The following SPI1 variants were observed in gnomAD, a reference collection of about 807,000 sequenced individuals.
SPI1 encodes the protein transcription factor PU.1.
In SPI1, 3 loss-of-function variants were observed where a neutral mutation model predicts 30.7. The ratio of observed to expected loss-of-function variants is 0.10; its 90% confidence interval spans 0.04 to 0.25. The LOEUF (loss-of-function observed/expected upper bound fraction) is 0.25, where lower values mean the gene tolerates loss of function less well. Among genes scored for constraint, SPI1 ranks in the 10% least tolerant of loss-of-function variants. SPI1 has a pLI of 1.00. For missense variants in SPI1, 261 were observed against 371.5 expected (o/e 0.70, Z 2.45); for synonymous variants, 169 against 157.1 (o/e 1.08, Z -0.56).
chr11:47,369,274 A>C (rs1417160280), intron 2 of SPI1, among the ~76,000 whole-genome samples: 1 of 152,218 alleles, frequency 6.6e-6, no homozygotes, highest in Non-Finnish European at 1.5e-5. Context: ...ACAAACAAAA[A>C]GCATAATAAA....
At chr11:47,364,451 G>A (rs867819387) in intron 2 of SPI1, among the ~76,000 whole-genome samples, 74 of 152,206 alleles carry the variant, frequency 4.9e-4, no homozygotes, top group African/African-American at 1.7e-3. Flanking sequence ...CTGGGATTTG[G>A]TGAAATGATT....
At chr11:47,357,553 C>T (rs2095913350) in intron 4 of SPI1, among the ~76,000 whole-genome samples, 1 of 148,648 alleles carries the variant, frequency 6.7e-6, no homozygotes, top group Non-Finnish European at 1.5e-5. Flanking sequence ...CCTGCTCTCA[C>T]ACTCACACAT....
intron 2 of SPI1, among the ~76,000 whole-genome samples, chr11:47,362,757 G>T (rs1039068796): frequency 6.6e-6 from 1 of 151,692 alleles, no homozygotes; most frequent in Non-Finnish European, 1.5e-5. Flanking sequence ...TGTATTTTTA[G>T]TAGAGATGGG....
Position 47,376,003 on chromosome 11 carries a change from TCA to T in SPI1, c.46-276_46-275del, listed in dbSNP as rs201013141. ...CCCCATAGCCACCTCACGCTCACAC[TCA>T]CACTCACGCCTGTGTGCCCCCATCC... On this transcript the variant is annotated intron_variant, in intron 1 of 4. Coordinates refer to ENST00000378538, the MANE Select transcript of SPI1 (RefSeq NM_003120.3). Among the ~76,000 whole-genome samples the T allele has an allele frequency of 6.7e-3, 1,020 of 151,730 alleles. 12 individuals carry two copies. Among genetic ancestry groups the T allele is most frequent in the African/African-American group, 0.023 (970 of 41,376 alleles).
rs2095941651 is a variant in SPI1, at chr11:47,375,857, C to T, written c.46-128G>A. ...TGGCTGCGTTGGACCTACAGCCCTC[C>T]CTCTGCCTGGAACTGGGACAGAGAG... On this transcript the variant is annotated intron_variant, in intron 1 of 4. Coordinates refer to ENST00000378538, the MANE Select transcript of SPI1 (RefSeq NM_003120.3). This position sits in a 1 kb window ranked among gnomAD's most constrained non-coding sequence, Gnocchi z 4.2. 4 of 771,554 alleles carry T rather than the reference C, an allele frequency of 5.2e-6. No individual in the cohort carries two copies. The South Asian group carries it at 5.7e-5, about 11-fold the overall frequency. The allele number at this position is 771,554 out of a possible 1,614,324, so 47.8% of individuals were successfully genotyped here.
At chr11:47,365,930 T>C (rs946931359) in intron 2 of SPI1, among the ~76,000 whole-genome samples, 1 of 152,082 alleles carries the variant, frequency 6.6e-6, no homozygotes, top group African/African-American at 2.4e-5. Flanking sequence ...CTCCTGACCT[T>C]GTGACCCACC....
intron 2 of SPI1, among the ~76,000 whole-genome samples, chr11:47,360,548 CCG>C (rs1423109592): frequency 2.0e-5 from 3 of 152,220 alleles, no homozygotes; most frequent in African/African-American, 4.8e-5. Context: ...CCAGCCAGGG[CCG>C]CGCGCGGTGG....
At position 47,378,390 on chromosome 11, in the gene SPI1, G is replaced by A. The variant is rs768539901; in HGVS notation, c.-37C>T. On this transcript the variant is annotated 5_prime_UTR_variant, in exon 1 of 5. Transcript: ENST00000378538. ...CCGAGTCGGTCAGATCCCCTGCCTC[G>A]GTGGGGGCCAATGCAGAGCCCCTCA... The A allele has an allele frequency of 8.7e-6, 14 of 1,602,300 alleles. No individual in the cohort carries two copies. Among genetic ancestry groups the A allele is most frequent in the South Asian group, 5.6e-5 (5 of 89,190 alleles).
chr11:47,359,555 G>A lies in SPI1; in HGVS notation c.330+298C>T, dbSNP rs901283266. Among the ~76,000 whole-genome samples the A allele has an allele frequency of 6.6e-6, 1 of 152,118 alleles. No homozygotes were observed. The highest frequency in any genetic ancestry group is 2.4e-5 in the African/African-American group (1 of 41,424). On this transcript the variant is annotated intron_variant, in intron 3 of 4. Coordinates refer to ENST00000378538, the MANE Select transcript of SPI1 (RefSeq NM_003120.3). This position sits in a 1 kb window ranked among gnomAD's most constrained non-coding sequence, Gnocchi z 5.1. ...GGATCCATGAGGGCTAGTGAATGGGGGTGGCAGACAGTGAGGCCCAGGAGG... is the reference window on the plus strand; with the variant it reads ...GGATCCATGAGGGCTAGTGAATGGGAGTGGCAGACAGTGAGGCCCAGGAGG...
chr11:47,366,612 G>T (rs533258603), intron 2 of SPI1, among the ~76,000 whole-genome samples: 4 of 152,100 alleles, frequency 2.6e-5, no homozygotes, highest in African/African-American at 9.6e-5. Context: ...GACATCAGGA[G>T]TTCAAGATCA....
At chr11:47,356,441 C>T (rs1227195468) in intron 4 of SPI1, among the ~76,000 whole-genome samples, 2 of 151,422 alleles carry the variant, frequency 1.3e-5, no homozygotes, top group Admixed American at 6.6e-5. Context: ...CACACATGCA[C>T]ACACACTCAG....
rs563326332 is a variant in SPI1 at position 47,356,906 on chromosome 11, A to C, written c.494-1360T>G. On this transcript the variant is annotated intron_variant, in intron 4 of 4. Transcript: ENST00000378538. ...GCTACACACACACGCCCCTGCTCACACACTTGTGCTCACACACCTCACACC... is the reference window on the plus strand; with the variant it reads ...GCTACACACACACGCCCCTGCTCACCCACTTGTGCTCACACACCTCACACC... Among the ~76,000 whole-genome samples, 76 of 142,870 alleles carry C rather than the reference A, an allele frequency of 5.3e-4. 1 individual carries two copies. Among genetic ancestry groups the C allele is most frequent in the Non-Finnish European group, 9.6e-4 (61 of 63,852 alleles). 93.7% of individuals were successfully genotyped at this position (142,870 alleles called of 152,430 possible).
chr11:47,358,408 A>G (rs1164845660), intron 4 of SPI1: 2 of 627,424 alleles, frequency 3.2e-6, no homozygotes, highest in Admixed American at 4.7e-5. Context: ...ACAGCTGCTC[A>G]CACGCACTGA....
rs2095907081 is a variant in SPI1, at chr11:47,355,671, A to G, written c.494-125T>C. On this transcript the variant is annotated intron_variant, in intron 4 of 4. Coordinates refer to ENST00000378538, the MANE Select transcript of SPI1 (RefSeq NM_003120.3). Reference sequence around the variant, plus strand: ...GGAAGGGCAGGGGAACGGCTGCCCCAGCCCGCGCCGGGCGTGCATACACAA... The same window carrying G: ...GGAAGGGCAGGGGAACGGCTGCCCCGGCCCGCGCCGGGCGTGCATACACAA... 3 of 769,092 alleles carry G rather than the reference A, an allele frequency of 3.9e-6. No individual in the cohort carries two copies. In the Admixed American group the frequency reaches 9.1e-5, roughly 23 times the overall value. The allele number at this position is 769,092 out of a possible 1,614,324, so 47.6% of individuals were successfully genotyped here.
intron 2 of SPI1, among the ~76,000 whole-genome samples, chr11:47,365,809 G>A (rs1014499869): frequency 6.6e-6 from 1 of 152,108 alleles, no homozygotes; most frequent in African/African-American, 2.4e-5. Context: ...TGATTCTTCT[G>A]CCTCAGCCTC....
chr11:47,356,909 C>T (rs1013187064), intron 4 of SPI1, among the ~76,000 whole-genome samples: 1 of 141,192 alleles, frequency 7.1e-6, no homozygotes, highest in East Asian at 2.1e-4. Context: ...TGCTCACACA[C>T]TTGTGCTCAC....
chr11:47,357,403 G>A (rs1337052855), intron 4 of SPI1, among the ~76,000 whole-genome samples: 1 of 151,784 alleles, frequency 6.6e-6, no homozygotes, highest in Non-Finnish European at 1.5e-5. Context: ...CATACATTCT[G>A]CTCATGCATA....
In SPI1 at chr11:47,374,177, G is replaced by T. The variant is rs1365351884; in HGVS notation, c.142+1456C>A. ...GGGTGCGTGGTCTCTGGGTCCCCCA[G>T]ACCGGGCTCTTCACTCTGGTAGGGA... On this transcript the variant is annotated intron_variant, in intron 2 of 4. Coordinates refer to ENST00000378538, the MANE Select transcript of SPI1 (RefSeq NM_003120.3). This position sits in a 1 kb window ranked among gnomAD's most constrained non-coding sequence, Gnocchi z 4.5. 6.6e-6 allele frequency among the ~76,000 whole-genome samples: 1 copy of T among 152,228 alleles called. No homozygotes were observed. The highest frequency in any genetic ancestry group is 6.5e-5 in the Admixed American group (1 of 15,288).
chr11:47,358,436 A>G, intron 4 of SPI1: 1 of 634,280 alleles, frequency 1.6e-6, no homozygotes, highest in Non-Finnish European at 2.9e-6. Context: ...TCATGTGTTG[A>G]CAGACACACA....
Sources: allele counts gnomAD v4.1 joint callset (sites outside exome capture counted in the v4.1 genomes callset), GRCh38; gene constraint gnomAD v4.1.1; non-coding constraint Gnocchi (gnomAD v3.1); transcripts MANE v1.5; gene names NCBI Gene and HGNC (gene_info 2026-07-23, HGNC 2026-07-21).